Variants in SNX29 observed in about 807,000 individuals in gnomAD.
The protein encoded by SNX29 is sorting nexin-29.
SNX29 carries 78 observed loss-of-function variants against 102.1 expected under a neutral mutation model. The observed-to-expected ratio is 0.76, with a 90% CI of 0.64 to 0.92. The LOEUF is 0.92. SNX29 is among the 40% of genes least tolerant of loss of function. The pLI is 0.00. For missense variants in SNX29, 1,280 were observed against 1,061.7 expected (o/e 1.21, Z -2.86); for synonymous variants, 580 against 414.5 (o/e 1.40, Z -4.85).
At chr16:12,525,667 G>C (rs1019165145) in intron 20 of SNX29, among the ~76,000 whole-genome samples, 49 of 151,082 alleles carry the variant, frequency 3.2e-4, no homozygotes, top group African/African-American at 1.1e-3. Context: ...ACTCCAGCCT[G>C]GGTGACAGAG....
chr16:12,221,061 C>T (rs945036733), intron 14 of SNX29, among the ~76,000 whole-genome samples: 2 of 152,070 alleles, frequency 1.3e-5, no homozygotes, highest in African/African-American at 4.8e-5. Context: ...TTTTAGCGCC[C>T]TGAATTGTTT....
At chr16:12,222,181 C>G (rs2077496497) in intron 14 of SNX29, among the ~76,000 whole-genome samples, 1 of 152,058 alleles carries the variant, frequency 6.6e-6, no homozygotes, top group Admixed American at 6.6e-5. Context: ...AGTCACTTGC[C>G]CAAGGTCACA....
At chr16:12,523,864 C>A (rs1344215540) in intron 19 of SNX29, among the ~76,000 whole-genome samples, 3 of 152,072 alleles carry the variant, frequency 2.0e-5, no homozygotes, top group South Asian at 2.1e-4. Context: ...ATGGGTGGGG[C>A]CATGCTACCA....
chr16:12,201,537 C>T (rs1439075323), intron 14 of SNX29, among the ~76,000 whole-genome samples: 1 of 152,192 alleles, frequency 6.6e-6, no homozygotes, highest in African/African-American at 2.4e-5. Flanking sequence ...TGAACTCACG[C>T]ATTTTTCTCC....
At chr16:12,226,206 G>A (rs1209001508) in intron 14 of SNX29, among the ~76,000 whole-genome samples, 1 of 152,212 alleles carries the variant, frequency 6.6e-6, no homozygotes, top group African/African-American at 2.4e-5. Flanking sequence ...CTAGAAAGGT[G>A]CAGAATAAAT....
chr16:12,548,405 C>G (rs1375912629), intron 20 of SNX29, among the ~76,000 whole-genome samples: 2 of 152,016 alleles, frequency 1.3e-5, no homozygotes, highest in East Asian at 1.9e-4. Flanking sequence ...TCCTTTGTAA[C>G]CTACCTCTGG....
chr16:12,105,192 C>T (rs1441625009), intron 11 of SNX29, among the ~76,000 whole-genome samples: 2 of 139,288 alleles, frequency 1.4e-5, no homozygotes, highest in Non-Finnish European at 3.2e-5. Flanking sequence ...TTATTTCCTT[C>T]CTTCCTCCCT....
intron 19 of SNX29, among the ~76,000 whole-genome samples, chr16:12,511,913 G>C (rs925131702): frequency 3.3e-5 from 5 of 152,036 alleles, no homozygotes; most frequent in Admixed American, 3.3e-4. Flanking sequence ...ACGGCGTTGG[G>C]CAGGGCAGAG....
At chr16:12,529,570 A>G (rs1157533711) in intron 20 of SNX29, among the ~76,000 whole-genome samples, 1 of 152,148 alleles carries the variant, frequency 6.6e-6, no homozygotes, top group Non-Finnish European at 1.5e-5. Flanking sequence ...CTGCTCCTTG[A>G]GGAGAGAGAA....
intron 18 of SNX29, among the ~76,000 whole-genome samples, chr16:12,428,614 A>G (rs913957875): frequency 1.3e-5 from 2 of 152,010 alleles, no homozygotes; most frequent in Non-Finnish European, 2.9e-5. Flanking sequence ...TTTGATTGCA[A>G]TTTATATCTC....
chr16:12,500,251 G>T (rs1459951839), intron 19 of SNX29, among the ~76,000 whole-genome samples: 3 of 152,172 alleles, frequency 2.0e-5, no homozygotes, highest in African/African-American at 7.2e-5. Context: ...TCGTGCCTCA[G>T]TCTCCCAAAG....
chr16:12,378,049 C>T (rs919567889), intron 16 of SNX29, among the ~76,000 whole-genome samples: 12 of 152,100 alleles, frequency 7.9e-5, no homozygotes, highest in African/African-American at 2.7e-4. Flanking sequence ...ACAAACTGGC[C>T]TCTGCAAAAC....
At chr16:12,157,766 C>T (rs2055612967) in intron 13 of SNX29, among the ~76,000 whole-genome samples, 1 of 152,100 alleles carries the variant, frequency 6.6e-6, no homozygotes, top group Non-Finnish European at 1.5e-5. Flanking sequence ...TGAGTGGTGC[C>T]CTATTCCCTA....
chr16:12,516,839 G>A (rs921405384), intron 19 of SNX29, among the ~76,000 whole-genome samples: 7 of 152,134 alleles, frequency 4.6e-5, no homozygotes, highest in African/African-American at 1.7e-4. Flanking sequence ...AAACAAACCA[G>A]GAAACAAAAT....
intron 20 of SNX29, among the ~76,000 whole-genome samples, chr16:12,548,657 A>G (rs984972413): frequency 4.6e-5 from 7 of 152,170 alleles, no homozygotes; most frequent in African/African-American, 1.7e-4. Context: ...TTTGGTGTCA[A>G]CTCAGCAAGA....
rs62028747 is a variant in SNX29 at position 12,571,200 on chromosome 16, C to G, written c.*2571C>G. On this transcript the variant is annotated 3_prime_UTR_variant, in exon 21 of 21. Transcript: ENST00000566228. Reference sequence around the variant, plus strand: ...GTGTGGTGGGATGAACTTCAGGCAACAAACAACTGGCAGGGTTCCCAGTTC... The same window carrying G: ...GTGTGGTGGGATGAACTTCAGGCAAGAAACAACTGGCAGGGTTCCCAGTTC... The G allele has an allele frequency of 0.013, 3,125 of 232,126 alleles. 32 individuals carry two copies. Among genetic ancestry groups the G allele is most frequent in the Middle Eastern group, 0.023 (18 of 786 alleles). 14.4% of individuals were successfully genotyped at this position (232,126 alleles called of 1,614,324 possible).
chr16:12,323,980 C>G (rs1300371035), intron 15 of SNX29, among the ~76,000 whole-genome samples: 1 of 152,082 alleles, frequency 6.6e-6, no homozygotes, highest in African/African-American at 2.4e-5. Flanking sequence ...TGTAAGTGTT[C>G]TGTGATCAAA....
chr16:12,200,510 C>G (rs970921274), intron 14 of SNX29, among the ~76,000 whole-genome samples: 1 of 151,314 alleles, frequency 6.6e-6, no homozygotes, highest in Non-Finnish European at 1.5e-5. Flanking sequence ...TGAGACAGAG[C>G]CTCACTCTAC....
At chr16:12,107,793 C>G (rs1465031777) in intron 11 of SNX29, among the ~76,000 whole-genome samples, 1 of 152,088 alleles carries the variant, frequency 6.6e-6, no homozygotes, top group East Asian at 1.9e-4. Context: ...GACATCCTCC[C>G]CAGGCCCAGA....
Sources: allele counts gnomAD v4.1 joint callset (sites outside exome capture counted in the v4.1 genomes callset), GRCh38; gene constraint gnomAD v4.1.1; transcripts MANE v1.5; gene names NCBI Gene and HGNC (gene_info 2026-07-23, HGNC 2026-07-21).